Variants in SPP2 observed in about 807,000 individuals in gnomAD.
The protein encoded by SPP2 is secreted phosphoprotein 2, also known as secreted phosphoprotein 24.
In SPP2, 34 loss-of-function variants were observed where a neutral mutation model predicts 28.8. That is an observed-to-expected ratio of 1.18 (90% CI 0.90 to 1.57). The LOEUF (loss-of-function observed/expected upper bound fraction) is 1.57, where lower values mean the gene tolerates loss of function less well. Ranked by LOEUF, SPP2 falls within the 40% of genes most tolerant of loss-of-function variation. The probability of loss-of-function intolerance (pLI) is 0.00; values close to 1 mark genes in which losing one functional copy is unlikely to be tolerated. For synonymous variants in SPP2, 96 were observed against 89.4 expected (o/e 1.07, Z -0.42); for missense variants, 269 against 263.9 (o/e 1.02, Z -0.13).
At chr2:234,051,764 A>G (rs1693502387) in intron 2 of SPP2, among the ~76,000 whole-genome samples, 1 of 152,184 alleles carries the variant, frequency 6.6e-6, no homozygotes, top group Non-Finnish European at 1.5e-5. Context: ...ATTTAGGTTA[A>G]GGTGGGAGGT....
At position 234,063,799 on chromosome 2, in the gene SPP2, T is replaced by C. The variant is rs377308087; in HGVS notation, c.445-2734T>C. 6.6e-5 allele frequency among the ~76,000 whole-genome samples: 10 copies of C among 152,310 alleles called. No homozygotes were observed. In the South Asian group the frequency reaches 8.3e-4, roughly 13 times the overall value. On this transcript the variant is annotated intron_variant, in intron 4 of 7. Transcript: ENST00000168148. ...GAGCTTGACTTTAGACAAATCCTTC[T>C]GATTTGGAGCGGATAGGATGAAGTC...
intron 7 of SPP2, among the ~76,000 whole-genome samples, chr2:234,076,558 C>G (rs1690901116): frequency 6.6e-6 from 1 of 152,156 alleles, no homozygotes; most frequent in Non-Finnish European, 1.5e-5. Flanking sequence ...GTTTATTGAA[C>G]AGATGAACTG....
chr2:234,058,980 C>T, intron 3 of SPP2, 22 bp downstream of exon 3: 1 of 1,599,510 alleles, frequency 6.3e-7, no homozygotes, highest in Non-Finnish European at 8.5e-7. Context: ...GAGACCCATC[C>T]CAGAAATGAA....
chr2:234,057,992 T>C (rs1426181309), intron 2 of SPP2, among the ~76,000 whole-genome samples: 1 of 152,216 alleles, frequency 6.6e-6, no homozygotes, highest in Non-Finnish European at 1.5e-5. Flanking sequence ...TCATTGCTCC[T>C]AGGGGAAATA....
At chr2:234,059,612 G>A (rs1693678217) in intron 3 of SPP2, among the ~76,000 whole-genome samples, 1 of 152,186 alleles carries the variant, frequency 6.6e-6, no homozygotes, top group African/African-American at 2.4e-5. Flanking sequence ...TTGGGTGGAG[G>A]TGAGACAGTG....
At chr2:234,065,079 C>A (rs1460859908) in intron 4 of SPP2, among the ~76,000 whole-genome samples, 1 of 152,146 alleles carries the variant, frequency 6.6e-6, no homozygotes, top group Non-Finnish European at 1.5e-5. Flanking sequence ...CATATAGTAA[C>A]TCTATGTTTA....
intron 7 of SPP2, among the ~76,000 whole-genome samples, chr2:234,076,008 G>T (rs1690887024): frequency 6.6e-6 from 1 of 152,174 alleles, no homozygotes; most frequent in Non-Finnish European, 1.5e-5. Flanking sequence ...TCCAGTTCCA[G>T]CTGCATCTCT....
intron 2 of SPP2, 119 bp downstream of exon 2, chr2:234,051,214 C>G (rs946079067): frequency 6.1e-5 from 78 of 1,279,782 alleles, no homozygotes; most frequent in Admixed American, 2.6e-4. Flanking sequence ...AGCTAGTCAT[C>G]TCTTTCATAC....
chr2:234,062,405 G>A (rs949539477), intron 4 of SPP2, among the ~76,000 whole-genome samples: 2 of 152,154 alleles, frequency 1.3e-5, no homozygotes, highest in African/African-American at 2.4e-5. Flanking sequence ...GGGTTGAAAT[G>A]GACAGAACTC....
chr2:234,069,968 C>T lies in SPP2; in HGVS notation c.591C>T (p.Tyr197=). 5 of 1,613,440 alleles carry T rather than the reference C, an allele frequency of 3.1e-6. No homozygotes were observed. Among genetic ancestry groups the T allele is most frequent in the Non-Finnish European group, 3.4e-6 (4 of 1,179,596 alleles). ...TATTGCCTCCTGGAAACAGAAGGTA[C>T]CCAAACCACCGGCACAGAGCAAGAA... is the stretch of plus-strand genomic sequence containing the variant. ...RRVLPPGNRR[Y]PNHRHRARIN... is the part of the protein sequence containing the mutation. Residue 197 remains tyrosine, a synonymous_variant, in exon 7 of 8, where the codon TAC becomes TAT. Coordinates refer to ENST00000168148, the MANE Select transcript of SPP2 (RefSeq NM_006944.3).
intron 4 of SPP2, among the ~76,000 whole-genome samples, chr2:234,064,247 G>GTC (rs10556319): frequency 1.2e-4 from 18 of 149,126 alleles, no homozygotes; most frequent in African/African-American, 4.2e-4. Flanking sequence ...TCCTTCCTCT[G>GTC]TCTCTCTCTC....
rs1381567555 is a variant in SPP2, at chr2:234,051,021, G to T, written c.136G>T (p.Ala46Ser). The T allele has an allele frequency of 1.9e-6, 3 of 1,613,880 alleles. No individual in the cohort carries two copies. The highest frequency in any genetic ancestry group is 3.3e-5 in the Admixed American group (2 of 59,974). ...DPSSLRDALS[A>S]SVVKVNSQSL... is the part of the protein sequence containing the mutation. ...ATCCTCCTTAAGGGATGCCCTCAGT[G>T]CCTCTGTGGTAAAAGTGAATTCCCA... The change falls in exon 2 of 8, where the codon GCC becomes TCC. Residue 46 changes from alanine to serine, a missense_variant. Ala to Ser is a moderately conservative substitution (Grantham distance 99). Coordinates refer to ENST00000168148, the MANE Select transcript of SPP2 (RefSeq NM_006944.3).
intron 2 of SPP2, among the ~76,000 whole-genome samples, chr2:234,053,788 C>G (rs1229445097): frequency 6.6e-6 from 1 of 151,984 alleles, no homozygotes; most frequent in African/African-American, 2.4e-5. Flanking sequence ...TCAGTGGACA[C>G]AAGCAGAGAA....
chr2:234,075,000 C>CAA (rs3078239), intron 7 of SPP2, among the ~76,000 whole-genome samples: 6 of 116,944 alleles, frequency 5.1e-5, no homozygotes, highest in Admixed American at 9.2e-5. Context: ...CACAAAAATG[C>CAA]AAAAAAAAAA....
At chr2:234,073,184 G>A (rs1690831306) in intron 7 of SPP2, among the ~76,000 whole-genome samples, 1 of 152,162 alleles carries the variant, frequency 6.6e-6, no homozygotes, top group South Asian at 2.1e-4. Context: ...CACCACGCCT[G>A]GCCGACCATA....
chr2:234,070,373 C>T (rs923745137), intron 7 of SPP2, among the ~76,000 whole-genome samples: 15 of 152,228 alleles, frequency 9.9e-5, no homozygotes, highest in Non-Finnish European at 1.5e-4. Flanking sequence ...GACACAACTG[C>T]GGTCTCTGGT....
Position 234,069,995 on chromosome 2 carries a change from A to C in SPP2, c.618A>C (p.Ile206=), listed in dbSNP as rs1693902684. The change falls in exon 7 of 8, where the codon ATA becomes ATC. Residue 206 remains isoleucine (I), a synonymous_variant. Transcript: ENST00000168148. ...RYPNHRHRAR[I]NTDFE is the part of the protein sequence containing the mutation. ...CAAACCACCGGCACAGAGCAAGAAT[A>C]AATACTGACTTTGAGTAACGGCCTT... The C allele has an allele frequency of 1.5e-5, 25 of 1,613,530 alleles. No individual in the cohort carries two copies. The highest frequency in any genetic ancestry group is 2.1e-5 in the Non-Finnish European group (25 of 1,179,572).
At chr2:234,059,654 G>C (rs1693679223) in intron 3 of SPP2, among the ~76,000 whole-genome samples, 1 of 152,196 alleles carries the variant, frequency 6.6e-6, no homozygotes. Context: ...CAGATCCAGG[G>C]CTTACATACT....
chr2:234,058,718 A>T, intron 2 of SPP2, 118 bp from the exon 3 acceptor site: 1 of 1,188,020 alleles, frequency 8.4e-7, no homozygotes, highest in Non-Finnish European at 1.2e-6. Flanking sequence ...AAGATAATTT[A>T]TTGCTTTCAT....
Sources: gnomAD v4.1 joint callset for allele counts (sites outside exome capture counted in the v4.1 genomes callset) on GRCh38, gnomAD v4.1.1 for gene constraint, MANE v1.5 for transcripts, NCBI Gene and HGNC (gene_info 2026-07-23, HGNC 2026-07-21) for gene names.